Variants in WDSUB1 observed in about 807,000 individuals in gnomAD.
The protein encoded by WDSUB1 is WD repeat, sterile alpha motif and U-box domain containing 1, also known as WD repeat, SAM and U-box domain-containing protein 1.
A neutral mutation model predicts 53.9 loss-of-function variants in WDSUB1; 49 were observed. That is an observed-to-expected ratio of 0.91 (90% confidence interval 0.72 to 1.15). The LOEUF (loss-of-function observed/expected upper bound fraction) is 1.15. Among genes scored for constraint, WDSUB1 ranks in the 50% most tolerant of loss-of-function variants. The pLI is 0.00. For missense variants in WDSUB1, 514 were observed against 562.0 expected (o/e 0.91, Z 0.86); for synonymous variants, 194 against 200.6 (o/e 0.97, Z 0.28).
Position 159,259,851 on chromosome 2 carries a change from GAAAAT to G in WDSUB1, c.771-13_771-9del. ...ACAGACTTATCCACTGACCTTAAAA[GAAAAT>G]AAATTATAGGTGAAAAGTTCTATAA... On this transcript the variant is annotated splice_polypyrimidine_tract_variant and intron_variant, in intron 5 of 10. Transcript: ENST00000359774. 1 of 1,513,286 alleles carries G rather than the reference GAAAAT, an allele frequency of 6.6e-7. No individual in the cohort carries two copies. Among genetic ancestry groups the G allele is most frequent in the Non-Finnish European group, 9.0e-7 (1 of 1,114,040 alleles). The allele number at this position is 1,513,286 out of a possible 1,614,324, so 93.7% of individuals were successfully genotyped here.
chr2:159,255,807 G>C (rs139924059), intron 9 of WDSUB1, among the ~76,000 whole-genome samples: 398 of 152,184 alleles, frequency 2.6e-3, no homozygotes, highest in African/African-American at 9.1e-3. Context: ...ATTAGTAATA[G>C]TGTCTGGCAA....
rs2061465697 is a variant in WDSUB1, at chr2:159,272,593, A to G, written c.677-798T>C. On this transcript the variant is annotated intron_variant, in intron 4 of 10. Transcript: ENST00000359774. Reference sequence around the variant, plus strand: ...AGATGGGGTAATTTCATAACTACCAAAATTTTTAACTTTTAAACTATACCA... The same window carrying G: ...AGATGGGGTAATTTCATAACTACCAGAATTTTTAACTTTTAAACTATACCA... 3.3e-5 allele frequency among the ~76,000 whole-genome samples: 5 copies of G among 152,218 alleles called. 1 individual carries two copies. In the South Asian group the frequency reaches 1.0e-3, roughly 32 times the overall value.
chr2:159,258,044 A>T, intron 6 of WDSUB1, 59 bp from the exon 7 acceptor site: 1 of 1,496,446 alleles, frequency 6.7e-7, no homozygotes, highest in Non-Finnish European at 9.3e-7. Context: ...TTACTGATGA[A>T]GACTCATTTG....
At chr2:159,251,241 G>A (rs930811583) in intron 9 of WDSUB1, among the ~76,000 whole-genome samples, 1 of 151,542 alleles carries the variant, frequency 6.6e-6, no homozygotes, top group Admixed American at 6.6e-5. Flanking sequence ...ACTCCAGCCC[G>A]GGCAACAGAG....
At chr2:159,271,677 A>G in intron 5 of WDSUB1, 25 bp downstream of exon 5, 1 of 1,594,000 alleles carries the variant, frequency 6.3e-7, no homozygotes, top group East Asian at 2.2e-5. Context: ...AAAATGGTTT[A>G]GGAAAATTAA....
intron 10 of WDSUB1, among the ~76,000 whole-genome samples, chr2:159,245,023 A>C (rs1448847901): frequency 6.6e-6 from 1 of 152,200 alleles, no homozygotes; most frequent in Non-Finnish European, 1.5e-5. Flanking sequence ...AGAAGACCTA[A>C]GCAAATGCAA....
At chr2:159,249,106 T>C (rs1480760998) in intron 9 of WDSUB1, among the ~76,000 whole-genome samples, 2 of 152,230 alleles carry the variant, frequency 1.3e-5, no homozygotes, top group Admixed American at 6.5e-5. Context: ...ACTAATATAC[T>C]CTACAAAATC....
At position 159,273,196 on chromosome 2, in the gene WDSUB1, C is replaced by T. The variant is rs576124007; in HGVS notation, c.677-1401G>A. Among the ~76,000 whole-genome samples, 42 of 152,198 alleles carry T rather than the reference C, an allele frequency of 2.8e-4. 1 individual carries two copies. The South Asian group carries it at 3.7e-3, about 14-fold the overall frequency. On this transcript the variant is annotated intron_variant, in intron 4 of 10. Coordinates refer to ENST00000359774, the MANE Select transcript of WDSUB1 (RefSeq NM_001128212.3). ...TAAGTGCTAGAAATACAATGATAAA[C>T]TTCAAAAGGCTTTAATTCTAACTGG...
chr2:159,248,698 T>C (rs1443137701), intron 9 of WDSUB1, among the ~76,000 whole-genome samples, 186 bp from the exon 10 acceptor site: 2 of 152,178 alleles, frequency 1.3e-5, no homozygotes, highest in Non-Finnish European at 2.9e-5. Context: ...CTTGACCTCC[T>C]GGGCTCAAGT....
rs761244952 is a variant in WDSUB1, at chr2:159,279,906, T to C, written c.438A>G (p.Ala146=). ...CAAAGAAGCTTCCATTAGGAGAAAA[T>C]GCACATGCCGCCAAGGAGCCATCTT... The part of the protein sequence containing the change: ...SVKDGSLAAC[A]FSPNGSFFVT... Residue 146 remains alanine (A), a synonymous_variant, in exon 3 of 11, where the codon GCA becomes GCG. Coordinates refer to ENST00000359774, the MANE Select transcript of WDSUB1 (RefSeq NM_001128212.3). 15 of 1,612,016 alleles carry C rather than the reference T, an allele frequency of 9.3e-6. No homozygotes were observed. The highest frequency in any genetic ancestry group is 1.3e-5 in the Non-Finnish European group (15 of 1,178,658).
chr2:159,286,071 C>T (rs1204455884), intron 1 of WDSUB1, among the ~76,000 whole-genome samples: 1 of 152,162 alleles, frequency 6.6e-6, no homozygotes, highest in East Asian at 1.9e-4. Context: ...CAGGCCTACC[C>T]AGGACCTGCC....
chr2:159,242,336 C>T (rs1196163986), intron 10 of WDSUB1, among the ~76,000 whole-genome samples: 1 of 146,062 alleles, frequency 6.8e-6, no homozygotes, highest in Non-Finnish European at 1.5e-5. Flanking sequence ...GGATTACAGG[C>T]GTGAGCCACC....
chr2:159,276,063 CTT>C (rs11320567), intron 3 of WDSUB1, among the ~76,000 whole-genome samples: 57 of 146,088 alleles, frequency 3.9e-4, no homozygotes, highest in Non-Finnish European at 5.0e-4. Flanking sequence ...CAATTTCTTC[CTT>C]TTTTTTTTTT....
intron 10 of WDSUB1, among the ~76,000 whole-genome samples, chr2:159,244,690 CA>C (rs1185286153): frequency 3.9e-5 from 6 of 152,158 alleles, no homozygotes; most frequent in Non-Finnish European, 8.8e-5. Flanking sequence ...TTTGGGAGGA[CA>C]AGGCAGGAGG....
chr2:159,248,930 C>T (rs1266630773), intron 9 of WDSUB1, among the ~76,000 whole-genome samples: 2 of 152,164 alleles, frequency 1.3e-5, no homozygotes, highest in Non-Finnish European at 2.9e-5. Flanking sequence ...TATCTACTAC[C>T]ACCAGAAATC....
intron 10 of WDSUB1, 111 bp from the exon 11 acceptor site, chr2:159,236,301 G>T: frequency 3.8e-6 from 4 of 1,055,144 alleles, no homozygotes; most frequent in African/African-American, 1.6e-5. Context: ...TGACTTAAGG[G>T]TTATTCCTGT....
chr2:159,269,886 C>T (rs1007149587), intron 5 of WDSUB1, among the ~76,000 whole-genome samples: 2 of 152,104 alleles, frequency 1.3e-5, no homozygotes, highest in African/African-American at 4.8e-5. Flanking sequence ...GCTTATCTCC[C>T]CAAAACCTAC....
chr2:159,236,816 T>C (rs1298285530), intron 10 of WDSUB1, among the ~76,000 whole-genome samples: 2 of 152,076 alleles, frequency 1.3e-5, no homozygotes. Flanking sequence ...TAGTAGAGTT[T>C]CACTATGTTG....
At chr2:159,259,716 A>G in intron 6 of WDSUB1, 94 bp downstream of exon 6, 1 of 1,320,558 alleles carries the variant, frequency 7.6e-7, no homozygotes, top group Non-Finnish European at 1.0e-6. Context: ...CTAAACAGAA[A>G]AAATATATAC....
Sources: gnomAD v4.1 joint callset for allele counts (sites outside exome capture counted in the v4.1 genomes callset) on GRCh38, gnomAD v4.1.1 for gene constraint, MANE v1.5 for transcripts, NCBI Gene and HGNC (gene_info 2026-07-23, HGNC 2026-07-21) for gene names.